Variants in TRMT10B observed in about 807,000 individuals in gnomAD.
The protein encoded by TRMT10B is tRNA methyltransferase 10B.
TRMT10B carries 33 observed loss-of-function variants against 43.8 expected under a neutral mutation model. The ratio of observed to expected loss-of-function variants is 0.75; its 90% CI spans 0.57 to 1.01. The LOEUF is 1.01. Among genes scored for constraint, TRMT10B ranks in the 50% least tolerant of loss-of-function variants. The pLI is 0.00. For missense variants in TRMT10B, 362 were observed against 369.8 expected (o/e 0.98, Z 0.17); for synonymous variants, 137 against 130.6 (o/e 1.05, Z -0.34).
intron 7 of TRMT10B, 42 bp from the exon 8 acceptor site, chr9:37,776,240 G>A (rs879919398): frequency 7.2e-7 from 1 of 1,395,234 alleles, no homozygotes. Context: ...ATATACTCAT[G>A]TATAATTTTT....
At position 37,778,926 on chromosome 9, in the gene TRMT10B, GA is replaced by G. The variant is rs1206332523; in HGVS notation, c.*1220del. ...ATCCTCCCTGAGCCTGTACCAACTAGATTCTTCATATGTATTTGTAACAGAT... is the reference window on the plus strand; with the variant it reads ...ATCCTCCCTGAGCCTGTACCAACTAGTTCTTCATATGTATTTGTAACAGAT... On this transcript the variant is annotated 3_prime_UTR_variant, in exon 9 of 9. Transcript: ENST00000297994. 7 of 152,130 alleles carry G rather than the reference GA, an allele frequency of 4.6e-5. No homozygotes were observed. Among genetic ancestry groups the G allele is most frequent in the African/African-American group, 1.7e-4 (7 of 41,416 alleles). The allele number at this position is 152,130 out of a possible 1,614,324, so 9.4% of individuals were successfully genotyped here.
intron 2 of TRMT10B, 63 bp from the exon 3 acceptor site, chr9:37,762,514 T>A (rs1390988902): frequency 1.3e-5 from 19 of 1,516,918 alleles, no homozygotes; most frequent in Non-Finnish European, 1.6e-5. Context: ...GTTTCTAATG[T>A]TCATTTTCCT....
chr9:37,763,507 ATACCT>A (rs1374546304), intron 3 of TRMT10B, 117 bp from the exon 4 acceptor site: 17 of 769,218 alleles, frequency 2.2e-5, no homozygotes, highest in Non-Finnish European at 3.3e-5. Flanking sequence ...TAATGAACGA[ATACCT>A]TACATCAGTA....
At chr9:37,757,985 G>GGA (rs1825902040) in intron 1 of TRMT10B, among the ~76,000 whole-genome samples, 1 of 152,128 alleles carries the variant, frequency 6.6e-6, no homozygotes, top group South Asian at 2.1e-4. Context: ...AGCATTTGAT[G>GGA]GAGTACAAGA....
chr9:37,761,905 T>A lies in TRMT10B; in HGVS notation c.-27T>A. On this transcript the variant is annotated splice_region_variant and 5_prime_UTR_variant, in exon 2 of 9. Transcript: ENST00000297994. ...CACATAATTGTGCCTTTTTCCAGTC[T>A]GGTGGAAAGGACAGAGGACTAAGTC... 2 of 1,582,878 alleles carry A rather than the reference T, an allele frequency of 1.3e-6. No individual in the cohort carries two copies. Among genetic ancestry groups the A allele is most frequent in the Non-Finnish European group, 1.7e-6 (2 of 1,159,240 alleles).
chr9:37,774,447 G>A (rs536606263), intron 7 of TRMT10B, among the ~76,000 whole-genome samples: 3 of 152,190 alleles, frequency 2.0e-5, no homozygotes, highest in African/African-American at 7.2e-5. Context: ...AGAACTTTTT[G>A]GTTGTTATTG....
At chr9:37,776,486 C>CA (rs1828166916) in intron 8 of TRMT10B, 81 bp downstream of exon 8, 1 of 1,478,796 alleles carries the variant, frequency 6.8e-7, no homozygotes, top group South Asian at 1.5e-5. Context: ...GCCTTTGAGT[C>CA]AGTCTCCTCT....
chr9:37,759,702 A>G (rs1826121258), intron 1 of TRMT10B, among the ~76,000 whole-genome samples: 1 of 152,212 alleles, frequency 6.6e-6, no homozygotes, highest in Non-Finnish European at 1.5e-5. Context: ...CTGTAGTCCC[A>G]GAAACTTAAG....
intron 1 of TRMT10B, among the ~76,000 whole-genome samples, chr9:37,760,265 T>C (rs1826183427): frequency 6.6e-6 from 1 of 152,230 alleles, no homozygotes; most frequent in Non-Finnish European, 1.5e-5. Flanking sequence ...GAGGTTGCAG[T>C]GAGCTGAGAT....
chr9:37,753,534 C>T (rs1341575718), upstream of TRMT10B, among the ~76,000 whole-genome samples: 2 of 152,142 alleles, frequency 1.3e-5, no homozygotes, highest in Admixed American at 1.3e-4. Flanking sequence ...CAATGTCCAG[C>T]CCTTGACAAC....
At chr9:37,753,672 C>A (rs1045222914), upstream of TRMT10B, 1 of 152,220 alleles carries the variant, frequency 6.6e-6, no homozygotes, top group African/African-American at 2.4e-5. Flanking sequence ...AGCTCCCTAC[C>A]GCCAGGGCTG....
chr9:37,771,371 G>C (rs1336651833), intron 7 of TRMT10B, among the ~76,000 whole-genome samples: 1 of 152,116 alleles, frequency 6.6e-6, no homozygotes, highest in African/African-American at 2.4e-5. Flanking sequence ...CCGATGTCAA[G>C]TTTTCTTGTG....
upstream of TRMT10B, among the ~76,000 whole-genome samples, chr9:37,752,930 T>G (rs1008275496): frequency 6.6e-6 from 1 of 152,120 alleles, no homozygotes; most frequent in African/African-American, 2.4e-5. Context: ...CTTTCTGGAC[T>G]GTGGGTGCTT....
At position 37,771,074 on chromosome 9, in the gene TRMT10B, G is replaced by C. The variant is rs143912891; in HGVS notation, c.720+335G>C. 2.6e-3 allele frequency among the ~76,000 whole-genome samples: 402 copies of C among 152,346 alleles called. 4 individuals are homozygous for C. The highest frequency in any genetic ancestry group is 9.4e-3 in the African/African-American group (390 of 41,564). On this transcript the variant is annotated intron_variant, in intron 7 of 8. Transcript: ENST00000297994. ...TTACTAGCTGTTCTTTGAGGGAGTA[G>C]TTTGCTCCTTCTAAGGTTGATCTCT...
At position 37,770,856 on chromosome 9, in the gene TRMT10B, A is replaced by G. The variant is rs531618160; in HGVS notation, c.720+117A>G. On this transcript the variant is annotated intron_variant, in intron 7 of 8. Coordinates refer to ENST00000297994, the MANE Select transcript of TRMT10B (RefSeq NM_144964.4). ...TAAGAACTCAGAGGGAACAGGAAGA[A>G]AGAGCCATCCCCACCAGGTTGGCCC... 7 of 1,067,034 alleles carry G rather than the reference A, an allele frequency of 6.6e-6. No homozygotes were observed. In the Admixed American group the frequency reaches 1.2e-4, roughly 18 times the overall value. 66.1% of individuals were successfully genotyped at this position (1,067,034 alleles called of 1,614,324 possible).
rs760413684 is a variant in TRMT10B, at chr9:37,762,158, GAATGTCTCAAGACACCCCTGTTTT to G, written c.186+44_186+67del. On this transcript the variant is annotated intron_variant, in intron 2 of 8. Coordinates refer to ENST00000297994, the MANE Select transcript of TRMT10B (RefSeq NM_144964.4). ...GCCTGGCCATAGGCCTTGAATGATG[GAATGTCTCAAGACACCCCTGTTTT>G]AAAGATGGATACTGGTAGTGAAAAG... 28 of 1,573,620 alleles carry G rather than the reference GAATGTCTCAAGACACCCCTGTTTT, an allele frequency of 1.8e-5. No individual in the cohort carries two copies. The African/African-American group carries it at 3.5e-4, about 20-fold the overall frequency.
At chr9:37,773,956 TAAAA>T (rs544100530) in intron 7 of TRMT10B, among the ~76,000 whole-genome samples, 1 of 127,706 alleles carries the variant, frequency 7.8e-6, no homozygotes, top group Non-Finnish European at 1.6e-5. Flanking sequence ...ACCCTGTCTC[TAAAA>T]AAAAAAAAAA....
chr9:37,776,853 C>G (rs1828208639), intron 8 of TRMT10B, among the ~76,000 whole-genome samples: 1 of 149,034 alleles, frequency 6.7e-6, no homozygotes, highest in Non-Finnish European at 1.5e-5. Context: ...GAGCCGAGAT[C>G]ACACCACTGC....
At chr9:37,775,725 C>T (rs974326388) in intron 7 of TRMT10B, among the ~76,000 whole-genome samples, 2 of 152,066 alleles carry the variant, frequency 1.3e-5, no homozygotes, top group African/African-American at 4.8e-5. Context: ...TTTGTAGAGA[C>T]AGGATCTCCC....
Sources: allele counts gnomAD v4.1 joint callset (sites outside exome capture counted in the v4.1 genomes callset), GRCh38; gene constraint gnomAD v4.1.1; transcripts MANE v1.5; gene names NCBI Gene and HGNC (gene_info 2026-07-23, HGNC 2026-07-21).